Variants in MAML2 observed in about 807,000 individuals in gnomAD.
MAML2 encodes the protein mastermind-like protein 2.
A neutral mutation model predicts 96.1 loss-of-function variants in MAML2; 22 were observed. The ratio of observed to expected loss-of-function variants is 0.23; its 90% confidence interval spans 0.16 to 0.33. The LOEUF (loss-of-function observed/expected upper bound fraction) is 0.33, where lower values mean the gene tolerates loss of function less well. MAML2 is among the 10% of genes least tolerant of loss of function. MAML2 has a pLI of 1.00. For missense variants in MAML2, 1,367 were observed against 1,392.4 expected, an observed-to-expected ratio of 0.98 and a Z score of 0.29; for synonymous variants, 561 against 521.3, an observed-to-expected ratio of 1.08 and a Z score of -1.04.
intron 1 of MAML2, among the ~76,000 whole-genome samples, chr11:96,201,242 A>C (rs1340047534): frequency 6.6e-6 from 1 of 152,146 alleles, no homozygotes; most frequent in African/African-American, 2.4e-5. Flanking sequence ...AGGGAAGTGA[A>C]TCTCTGGGTA....
chr11:96,298,705 GT>G (rs1863335747), intron 1 of MAML2, among the ~76,000 whole-genome samples: 1 of 147,394 alleles, frequency 6.8e-6, no homozygotes, highest in Non-Finnish European at 1.5e-5. Flanking sequence ...GTGTATGTGT[GT>G]ATAAATATAT....
chr11:96,285,205 A>C (rs1031589127), intron 1 of MAML2, among the ~76,000 whole-genome samples: 1 of 152,160 alleles, frequency 6.6e-6, no homozygotes, highest in Admixed American at 6.6e-5. Flanking sequence ...CTACTGTAGC[A>C]CCTATTGTAA....
At chr11:96,154,935 C>G (rs1860986253) in intron 1 of MAML2, among the ~76,000 whole-genome samples, 1 of 152,192 alleles carries the variant, frequency 6.6e-6, no homozygotes. Flanking sequence ...GTAGCTGTAA[C>G]ACTCCGGCCT....
chr11:95,997,931 C>CAT (rs555606989), intron 2 of MAML2, among the ~76,000 whole-genome samples: 169 of 151,156 alleles, frequency 1.1e-3, no homozygotes, highest in Non-Finnish European at 1.8e-3. Context: ...ATAATACAGT[C>CAT]ATATATATAT....
intron 1 of MAML2, among the ~76,000 whole-genome samples, chr11:96,165,395 C>T: frequency 6.6e-6 from 1 of 152,068 alleles, no homozygotes; most frequent in East Asian, 1.9e-4. Context: ...GGCAAACACA[C>T]TTTAAGAACC....
At chr11:96,219,665 A>G (rs1473395731) in intron 1 of MAML2, among the ~76,000 whole-genome samples, 1 of 152,118 alleles carries the variant, frequency 6.6e-6, no homozygotes, top group Non-Finnish European at 1.5e-5. Flanking sequence ...TCACTCTGTC[A>G]TGTAGGCTGG....
chr11:96,079,917 G>C (rs1048845670), intron 2 of MAML2, among the ~76,000 whole-genome samples: 15 of 152,232 alleles, frequency 9.9e-5, no homozygotes, highest in Non-Finnish European at 1.8e-4. Context: ...GGCACAGAGG[G>C]CTGCTGTGGA....
intron 1 of MAML2, among the ~76,000 whole-genome samples, chr11:96,274,174 G>A (rs1438099514): frequency 2.1e-5 from 3 of 145,376 alleles, no homozygotes; most frequent in Non-Finnish European, 4.5e-5. Context: ...GCTCCGCCTC[G>A]CGGGTTCACG....
In MAML2 at chr11:96,011,610, T is replaced by C. The variant is rs531150492; in HGVS notation, c.2140-19887A>G. Among the ~76,000 whole-genome samples, 217 of 152,238 alleles carry C rather than the reference T, an allele frequency of 1.4e-3. 1 individual carries two copies. Among genetic ancestry groups the C allele is most frequent in the Admixed American group, 2.4e-3 (37 of 15,302 alleles). ...GAGGCTGGGGCAGACAAAGTACCCA[T>C]TGGGTACTATGTTCACTATTTGGGT... On this transcript the variant is annotated intron_variant, in intron 2 of 4. Transcript: ENST00000524717.
chr11:96,098,604 T>C (rs1398350220), intron 1 of MAML2, among the ~76,000 whole-genome samples: 1 of 152,266 alleles, frequency 6.6e-6, no homozygotes, highest in Non-Finnish European at 1.5e-5. Flanking sequence ...TACTTTCTTT[T>C]GCTGAGATCC....
rs367827523 is a variant in MAML2, at chr11:95,998,122, A to G, written c.2140-6399T>C. On this transcript the variant is annotated intron_variant, in intron 2 of 4. Coordinates refer to ENST00000524717, the MANE Select transcript of MAML2 (RefSeq NM_032427.4). Reference sequence around the variant, plus strand: ...TACCCATTTATCCACTTTTCTATCTATCTGTCTGTCTGTCTGTCAGTCTGT... The same window carrying G: ...TACCCATTTATCCACTTTTCTATCTGTCTGTCTGTCTGTCTGTCAGTCTGT... Among the ~76,000 whole-genome samples the G allele has an allele frequency of 4.9e-3, 572 of 117,402 alleles. 3 individuals are homozygous for G. In the South Asian group the frequency reaches 0.05, roughly 10 times the overall value. 77.0% of individuals were successfully genotyped at this position (117,402 alleles called of 152,430 possible). A position where few individuals can be genotyped will look rare whatever the true frequency, so the allele number is the denominator to read the frequency against.
chr11:96,293,183 A>G (rs1442880318), intron 1 of MAML2, among the ~76,000 whole-genome samples: 2 of 152,204 alleles, frequency 1.3e-5, no homozygotes, highest in African/African-American at 4.8e-5. Context: ...TTACCCCTGT[A>G]ATGTGCCAAC....
At chr11:96,018,748 C>T (rs1361453674) in intron 2 of MAML2, among the ~76,000 whole-genome samples, 2 of 152,140 alleles carry the variant, frequency 1.3e-5, no homozygotes, top group African/African-American at 4.8e-5. Context: ...AGGGACCTGC[C>T]ACCATGACTG....
intron 1 of MAML2, among the ~76,000 whole-genome samples, chr11:96,127,267 A>G (rs1225627445): frequency 3.3e-5 from 5 of 152,224 alleles, no homozygotes; most frequent in African/African-American, 1.2e-4. Flanking sequence ...CATTTCAATT[A>G]TTGCTCAGTT....
chr11:96,256,029 A>T (rs2135970025), intron 1 of MAML2, among the ~76,000 whole-genome samples: 1 of 151,790 alleles, frequency 6.6e-6, no homozygotes, highest in South Asian at 2.1e-4. Flanking sequence ...GCCCGCCACC[A>T]CACCCAGCTA....
chr11:96,109,729 C>T (rs1239756044), intron 1 of MAML2, among the ~76,000 whole-genome samples: 6 of 151,990 alleles, frequency 3.9e-5, no homozygotes, highest in South Asian at 2.1e-4. Flanking sequence ...GGCAAGCAAA[C>T]GATGGGTTCA....
chr11:96,169,422 C>T (rs113374005), intron 1 of MAML2, among the ~76,000 whole-genome samples: 4 of 152,314 alleles, frequency 2.6e-5, no homozygotes, highest in African/African-American at 9.6e-5. Context: ...TTTCCTGCTC[C>T]CAGGCCCTGG....
chr11:96,167,388 T>G (rs1191848452), intron 1 of MAML2, among the ~76,000 whole-genome samples: 1 of 152,210 alleles, frequency 6.6e-6, no homozygotes, highest in East Asian at 1.9e-4. Flanking sequence ...ATCCACTTTA[T>G]GCCTTCCACA....
chr11:96,280,379 C>T (rs1863047663), intron 1 of MAML2, among the ~76,000 whole-genome samples: 1 of 152,044 alleles, frequency 6.6e-6, no homozygotes, highest in Non-Finnish European at 1.5e-5. Context: ...AATTTGTTTC[C>T]TGCTGGGTGA....
Sources: gnomAD v4.1 joint callset for allele counts (sites outside exome capture counted in the v4.1 genomes callset) on GRCh38, gnomAD v4.1.1 for gene constraint, MANE v1.5 for transcripts, NCBI Gene and HGNC (gene_info 2026-07-23, HGNC 2026-07-21) for gene names.